KAZN: variants seen among roughly 807,000 people sequenced by gnomAD.
KAZN encodes kazrin.
Under a neutral mutation model 87.4 loss-of-function variants are expected in KAZN, and 40 were observed. The ratio of observed to expected loss-of-function variants is 0.46; its 90% CI spans 0.36 to 0.60. The LOEUF (loss-of-function observed/expected upper bound fraction) is 0.60. Among genes scored for constraint, KAZN ranks in the 20% least tolerant of loss-of-function variants. The probability of loss-of-function intolerance (pLI) is 0.00; values close to 1 mark genes in which losing one functional copy is unlikely to be tolerated. For synonymous variants in KAZN, 466 were observed against 458.3 expected (o/e 1.02, Z -0.22); for missense variants, 898 against 1,073.9 (o/e 0.84, Z 2.29).
chr1:14,587,999 A>C (rs1675963079), intron 2 of KAZN, among the ~76,000 whole-genome samples: 1 of 152,172 alleles, frequency 6.6e-6, no homozygotes, highest in South Asian at 2.1e-4. Context: ...GAGGGGGGCC[A>C]CTGGCATCCC....
intron 1 of KAZN, among the ~76,000 whole-genome samples, chr1:14,120,033 G>A (rs1438678909): frequency 6.6e-6 from 1 of 152,192 alleles, no homozygotes; most frequent in Non-Finnish European, 1.5e-5. Flanking sequence ...ACAGGAGACA[G>A]ATCATAAGGA....
chr1:15,029,397 A>C (rs1671465653), intron 2 of KAZN, among the ~76,000 whole-genome samples: 1 of 152,182 alleles, frequency 6.6e-6, no homozygotes, highest in Non-Finnish European at 1.5e-5. Flanking sequence ...CGAATAATCT[A>C]AAGGCACAGG....
intron 1 of KAZN, among the ~76,000 whole-genome samples, chr1:14,825,732 C>G (rs1646866762): frequency 6.6e-6 from 1 of 152,186 alleles, no homozygotes; most frequent in African/African-American, 2.4e-5. Context: ...CCATTGTCGC[C>G]TGATCAAGCC....
intron 2 of KAZN, among the ~76,000 whole-genome samples, chr1:14,244,853 A>T (rs1649343422): frequency 6.6e-6 from 1 of 152,134 alleles, no homozygotes; most frequent in Admixed American, 6.6e-5. Context: ...GGCCTTGTTA[A>T]TCAGTGCAGA....
At chr1:13,978,318 C>T (rs1479665506) in intron 1 of KAZN, among the ~76,000 whole-genome samples, 2 of 151,918 alleles carry the variant, frequency 1.3e-5, no homozygotes, top group Non-Finnish European at 2.9e-5. Flanking sequence ...GAAATTACCA[C>T]ACATCCTAGG....
chr1:14,626,375 T>C (rs1679140841), intron 1 of KAZN, among the ~76,000 whole-genome samples: 1 of 152,218 alleles, frequency 6.6e-6, no homozygotes, highest in Admixed American at 6.5e-5. Context: ...GTAGAACACT[T>C]CCCTTTGCAC....
chr1:14,222,641 C>T (rs1406058235), intron 2 of KAZN, among the ~76,000 whole-genome samples: 2 of 152,148 alleles, frequency 1.3e-5, no homozygotes. Flanking sequence ...GTTATAGTCT[C>T]CATACCAAAA....
At chr1:14,478,274 AAAGG>A (rs575798813) in intron 2 of KAZN, among the ~76,000 whole-genome samples, 1 of 111,404 alleles carries the variant, frequency 9.0e-6, no homozygotes, top group Non-Finnish European at 2.1e-5. Flanking sequence ...AGGAAGGAAG[AAAGG>A]AAGGAAGGAA....
At chr1:14,305,378 C>A (rs1654847237) in intron 2 of KAZN, among the ~76,000 whole-genome samples, 1 of 152,176 alleles carries the variant, frequency 6.6e-6, no homozygotes, top group Non-Finnish European at 1.5e-5. Context: ...CATGTATACA[C>A]TTGCATTTTT....
At chr1:14,682,947 T>C (rs1640760136) in intron 1 of KAZN, among the ~76,000 whole-genome samples, 1 of 152,214 alleles carries the variant, frequency 6.6e-6, no homozygotes, top group Non-Finnish European at 1.5e-5. Context: ...CCTCTCTCCT[T>C]TTCTTTTTCA....
At chr1:14,903,401 C>G (rs1656150587) in intron 1 of KAZN, among the ~76,000 whole-genome samples, 1 of 152,228 alleles carries the variant, frequency 6.6e-6, no homozygotes, top group African/African-American at 2.4e-5. Context: ...TTCAGGTGGG[C>G]ACACTGGGGC....
intron 2 of KAZN, among the ~76,000 whole-genome samples, chr1:15,022,703 A>T (rs1246968985): frequency 6.6e-6 from 1 of 152,136 alleles, no homozygotes; most frequent in Non-Finnish European, 1.5e-5. Context: ...GGAGTTGGGA[A>T]TTTTCTCAAA....
chr1:14,192,897 C>T (rs1283332981), intron 2 of KAZN, among the ~76,000 whole-genome samples: 1 of 152,096 alleles, frequency 6.6e-6, no homozygotes, highest in Non-Finnish European at 1.5e-5. Flanking sequence ...CAGAGTTAAT[C>T]ATGTTAAGGC....
intron 1 of KAZN, among the ~76,000 whole-genome samples, chr1:14,131,209 C>T (rs566913737): frequency 1.3e-5 from 2 of 152,256 alleles, no homozygotes; most frequent in Admixed American, 1.3e-4. Flanking sequence ...GAAATCTGCT[C>T]CCATGATTTA....
intron 2 of KAZN, among the ~76,000 whole-genome samples, chr1:14,513,519 G>A (rs1276954552): frequency 3.3e-5 from 5 of 152,038 alleles, no homozygotes; most frequent in Admixed American, 1.3e-4. Flanking sequence ...GGAATCTCTA[G>A]GTCTAGTTTT....
chr1:14,587,257 G>A (rs556320344), intron 2 of KAZN, among the ~76,000 whole-genome samples: 2 of 152,034 alleles, frequency 1.3e-5, no homozygotes, highest in South Asian at 4.1e-4. Context: ...CCAACATGGT[G>A]AAACCCCATC....
At chr1:14,762,779 C>A (rs1644777872) in intron 1 of KAZN, among the ~76,000 whole-genome samples, 1 of 152,046 alleles carries the variant, frequency 6.6e-6, no homozygotes, top group South Asian at 2.1e-4. Context: ...GGCTTCTCCA[C>A]CCCACAGGGG....
At chr1:14,447,166 A>G (rs1308577081) in intron 2 of KAZN, among the ~76,000 whole-genome samples, 3 of 151,044 alleles carry the variant, frequency 2.0e-5, no homozygotes, top group African/African-American at 7.3e-5. Context: ...GTGGGAACCC[A>G]TAATTCTTCT....
At chr1:14,953,514 T>C (rs1662743511) in intron 1 of KAZN, among the ~76,000 whole-genome samples, 1 of 152,218 alleles carries the variant, frequency 6.6e-6, no homozygotes, top group Non-Finnish European at 1.5e-5. Flanking sequence ...ATCTATAAAC[T>C]GTGGATGATA....
Sources: allele counts gnomAD v4.1 joint callset (sites outside exome capture counted in the v4.1 genomes callset), GRCh38; gene constraint gnomAD v4.1.1; transcripts MANE v1.5; gene names NCBI Gene and HGNC (gene_info 2026-07-23, HGNC 2026-07-21).